SORCS2: variants seen among roughly 807,000 people sequenced by gnomAD.
The protein encoded by SORCS2 is sortilin related VPS10 domain containing receptor 2.
In SORCS2, 100 loss-of-function variants were observed where a neutral mutation model predicts 141.6. The ratio of observed to expected loss-of-function variants is 0.71; its 90% CI spans 0.60 to 0.83. The LOEUF is 0.83. Among genes scored for constraint, SORCS2 ranks in the 40% least tolerant of loss-of-function variants. The pLI, the probability that SORCS2 is intolerant of heterozygous loss-of-function variation, is 0.00. For missense variants in SORCS2, 1,646 were observed against 1,560.2 expected (o/e 1.05, Z -0.93); for synonymous variants, 789 against 676.9 (o/e 1.17, Z -2.57).
intron 2 of SORCS2, among the ~76,000 whole-genome samples, chr4:7,460,768 G>C (rs1328516092): frequency 5.3e-5 from 8 of 152,140 alleles, no homozygotes; most frequent in Non-Finnish European, 1.0e-4. Flanking sequence ...TGTCCCATGA[G>C]GTCACTTTTC....
At chr4:7,560,558 C>T (rs1714461723) in intron 3 of SORCS2, among the ~76,000 whole-genome samples, 6 of 152,064 alleles carry the variant, frequency 3.9e-5, no homozygotes, top group Admixed American at 3.9e-4. Context: ...GAGACTGTGC[C>T]AGCCCAAGAT....
chr4:7,318,673 G>A (rs999267093), intron 1 of SORCS2, among the ~76,000 whole-genome samples: 4 of 152,154 alleles, frequency 2.6e-5, no homozygotes, highest in Non-Finnish European at 5.9e-5. Flanking sequence ...CAGCTACTCA[G>A]CTGTTACCCA....
At chr4:7,439,307 C>G (rs1275599851) in intron 2 of SORCS2, among the ~76,000 whole-genome samples, 2 of 152,186 alleles carry the variant, frequency 1.3e-5, no homozygotes, top group Non-Finnish European at 2.9e-5. Context: ...CCCTGCCCAA[C>G]AGTGAGAGGC....
chr4:7,497,014 G>T (rs575700073), intron 2 of SORCS2, among the ~76,000 whole-genome samples: 2 of 152,252 alleles, frequency 1.3e-5, no homozygotes, highest in Non-Finnish European at 2.9e-5. Context: ...GCTGACACAC[G>T]TGAGCTAATT....
At chr4:7,676,695 CTG>C (rs1176000183) in intron 9 of SORCS2, among the ~76,000 whole-genome samples, 35 of 150,832 alleles carry the variant, frequency 2.3e-4, no homozygotes, top group African/African-American at 7.8e-4. Context: ...TCCTCTCCCT[CTG>C]TGTGTCTGAA....
chr4:7,686,950 C>T (rs1723918036), intron 10 of SORCS2, among the ~76,000 whole-genome samples: 1 of 152,164 alleles, frequency 6.6e-6, no homozygotes, highest in African/African-American at 2.4e-5. Flanking sequence ...GAGGAGGGTT[C>T]CACTTCTCTG....
At chr4:7,247,593 T>C (rs1056562981) in intron 1 of SORCS2, among the ~76,000 whole-genome samples, 25 of 152,318 alleles carry the variant, frequency 1.6e-4, no homozygotes, top group African/African-American at 6.0e-4. Flanking sequence ...ATTTGGAACA[T>C]AAACAGGGCG....
At chr4:7,566,465 A>G (rs536450873) in intron 3 of SORCS2, among the ~76,000 whole-genome samples, 177 of 152,370 alleles carry the variant, frequency 1.2e-3, no homozygotes, top group Non-Finnish European at 1.9e-3. Context: ...TGGATGCCAC[A>G]TAACATTCTT....
intron 1 of SORCS2, among the ~76,000 whole-genome samples, chr4:7,276,222 G>A (rs1402367226): frequency 6.6e-6 from 1 of 152,180 alleles, no homozygotes; most frequent in Non-Finnish European, 1.5e-5. Flanking sequence ...AGGTCAGTGT[G>A]TGGATCATCC....
intron 1 of SORCS2, among the ~76,000 whole-genome samples, chr4:7,195,502 G>A (rs991431655): frequency 1.3e-5 from 2 of 152,182 alleles, no homozygotes; most frequent in Non-Finnish European, 2.9e-5. Context: ...CTCTGGACTG[G>A]GCAGTCAGGG....
chr4:7,240,299 C>A (rs534856158), intron 1 of SORCS2, among the ~76,000 whole-genome samples: 1 of 152,314 alleles, frequency 6.6e-6, no homozygotes, highest in African/African-American at 2.4e-5. Context: ...GAGAACCCTG[C>A]TGAGCTTTGT....
chr4:7,307,678 A>G (rs1230336733), intron 1 of SORCS2, among the ~76,000 whole-genome samples: 1 of 152,156 alleles, frequency 6.6e-6, no homozygotes, highest in Non-Finnish European at 1.5e-5. Flanking sequence ...ACTGTTCTGT[A>G]AGCACTGAGG....
chr4:7,338,817 C>T lies in SORCS2; in HGVS notation c.481-57471C>T, dbSNP rs777825328. On this transcript the variant is annotated intron_variant, in intron 1 of 26. Coordinates refer to ENST00000507866, the MANE Select transcript of SORCS2 (RefSeq NM_020777.3). ...GACAGCTTCCATAATTGTTATAATT[C>T]CTCTGGCCCAGAGGCCTGTTTCAAA... Among the ~76,000 whole-genome samples, 6 of 152,330 alleles carry T rather than the reference C, an allele frequency of 3.9e-5. No homozygotes were observed. The South Asian group carries it at 1.0e-3, about 26-fold the overall frequency.
intron 3 of SORCS2, among the ~76,000 whole-genome samples, chr4:7,553,437 T>C (rs1713872135): frequency 6.6e-6 from 1 of 152,242 alleles, no homozygotes; most frequent in African/African-American, 2.4e-5. Context: ...TGAATGTCTG[T>C]AGATAGGTGC....
intron 25 of SORCS2, among the ~76,000 whole-genome samples, chr4:7,735,200 C>CG (rs1712069900): frequency 1.3e-5 from 2 of 152,214 alleles, no homozygotes; most frequent in African/African-American, 4.8e-5. Context: ...GGTTCAGCTC[C>CG]GGGGGCCCCA....
At chr4:7,416,950 A>G (rs569015894) in intron 2 of SORCS2, among the ~76,000 whole-genome samples, 10 of 152,218 alleles carry the variant, frequency 6.6e-5, no homozygotes, top group Admixed American at 3.3e-4. Context: ...ATACTCTCGC[A>G]CACACACACC....
chr4:7,532,719 C>T (rs568594674), intron 3 of SORCS2, among the ~76,000 whole-genome samples: 5 of 151,292 alleles, frequency 3.3e-5, no homozygotes, highest in East Asian at 2.0e-4. Flanking sequence ...GGCTGAGATG[C>T]GTGCAGCCTT....
At chr4:7,522,179 G>T (rs61096498) in intron 2 of SORCS2, among the ~76,000 whole-genome samples, 9,844 of 152,260 alleles carry the variant, frequency 0.065, 432 homozygotes, top group African/African-American at 0.13. Flanking sequence ...ACACCTGCGC[G>T]TGTGACTTCC....
At chr4:7,588,498 C>T (rs556559796) in intron 3 of SORCS2, among the ~76,000 whole-genome samples, 1 of 152,326 alleles carries the variant, frequency 6.6e-6, no homozygotes, top group Admixed American at 6.5e-5. Flanking sequence ...AGGGAAGCCA[C>T]AGCAGGAGAC....
Sources: gnomAD v4.1 joint callset for allele counts (sites outside exome capture counted in the v4.1 genomes callset) on GRCh38, gnomAD v4.1.1 for gene constraint, MANE v1.5 for transcripts, NCBI Gene and HGNC (gene_info 2026-07-23, HGNC 2026-07-21) for gene names.